The following NNT variants were observed in gnomAD, a reference collection of about 807,000 sequenced individuals.
NNT encodes the protein nicotinamide nucleotide transhydrogenase, also known as NAD(P) transhydrogenase, mitochondrial.
In NNT, 50 loss-of-function variants were observed where a neutral mutation model predicts 104.8. That is an observed-to-expected ratio of 0.48 (90% CI 0.38 to 0.60). The LOEUF (loss-of-function observed/expected upper bound fraction) is 0.60, where lower values mean the gene tolerates loss of function less well. Among genes scored for constraint, NNT ranks in the 20% least tolerant of loss-of-function variants. NNT has a pLI of 0.00. For missense variants in NNT, 1,131 were observed against 1,330.7 expected (o/e 0.85, Z 2.33); for synonymous variants, 461 against 490.4 (o/e 0.94, Z 0.79).
chr5:43,645,332 C>A, intron 9 of NNT, 25 bp from the exon 10 acceptor site: 1 of 1,396,324 alleles, frequency 7.2e-7, no homozygotes. Context: ...CTTTTTAATA[C>A]GTACTATTTT....
rs1320459282 is a variant in NNT, at chr5:43,619,089, C to A, written c.657C>A (p.Ile219=). Residue 219 remains isoleucine (I), a synonymous_variant, in exon 5 of 22, where the codon ATC becomes ATA. Coordinates refer to ENST00000344920, the MANE Select transcript of NNT (RefSeq NM_182977.3). ...TTGGACGTTTTTTTACTGGTCAGAT[C>A]ACAGCTGCTGGAAAAGTTCCTCCAG... ...NHFGRFFTGQ[I]TAAGKVPPAK... 3.2e-6 allele frequency: 5 copies of A among 1,553,576 alleles called. No individual in the cohort carries two copies. The highest frequency in any genetic ancestry group is 2.6e-6 in the Non-Finnish European group (3 of 1,147,884).
intron 15 of NNT, among the ~76,000 whole-genome samples, chr5:43,656,411 T>G (rs1442669654): frequency 6.6e-6 from 1 of 152,240 alleles, no homozygotes; most frequent in Non-Finnish European, 1.5e-5. Context: ...TCCTTCCCCT[T>G]TATTGATACT....
Position 43,644,310 on chromosome 5 carries a change from A to G in NNT, c.1083A>G (p.Glu361=). The G allele has an allele frequency of 6.2e-7, 1 of 1,613,594 alleles. No individual in the cohort carries two copies. Among genetic ancestry groups the G allele is most frequent in the Non-Finnish European group, 8.5e-7 (1 of 1,179,938 alleles). Residue 361 remains glutamate (E), a synonymous_variant, in exon 8 of 22, where the codon GAA becomes GAG. Coordinates refer to ENST00000344920, the MANE Select transcript of NNT (RefSeq NM_182977.3). ...ACTTTGAAACCACTAAGCCAGGAGAACTCTACATTCATAAGGTATAGCAAG... is the reference window on the plus strand; with the variant it reads ...ACTTTGAAACCACTAAGCCAGGAGAGCTCTACATTCATAAGGTATAGCAAG... ...GGNFETTKPG[E]LYIHKGITHI... is the part of the protein sequence containing the mutation.
intron 17 of NNT, among the ~76,000 whole-genome samples, chr5:43,670,536 T>G (rs1216201516): frequency 6.6e-6 from 1 of 152,248 alleles, no homozygotes; most frequent in Non-Finnish European, 1.5e-5. Flanking sequence ...CATTTCATTA[T>G]GTACCCAGTA....
Position 43,656,703 on chromosome 5 carries a change from G to A in NNT, c.2344G>A (p.Ala782Thr), listed in dbSNP as rs770434774. The part of the protein sequence containing the change: ...LLLPGRHLLN[A>T]GLLAASVGGI... ...ACTGCCTGGAAGGCACTTACTCAATGCAGGCTTACTGGCTGCTAGTGTGGG... is the reference window on the plus strand; with the variant it reads ...ACTGCCTGGAAGGCACTTACTCAATACAGGCTTACTGGCTGCTAGTGTGGG... The change falls in exon 16 of 22, where the codon GCA (alanine) becomes ACA (threonine). Residue 782 changes from alanine (A) to threonine (T), a missense_variant. Transcript: ENST00000344920. 8.7e-6 allele frequency: 14 copies of A among 1,614,152 alleles called. No individual in the cohort carries two copies. In the South Asian group the frequency reaches 1.5e-4, roughly 18 times the overall value.
At chr5:43,691,068 A>AGTGT (rs1230738676) in intron 19 of NNT, among the ~76,000 whole-genome samples, 85 of 134,004 alleles carry the variant, frequency 6.3e-4, no homozygotes, top group Middle Eastern at 7.8e-3. Context: ...TTTTTTTGAG[A>AGTGT]GAGTGTGTGT....
At chr5:43,684,795 C>T (rs1196908130) in intron 19 of NNT, among the ~76,000 whole-genome samples, 1 of 152,092 alleles carries the variant, frequency 6.6e-6, no homozygotes, top group African/African-American at 2.4e-5. Flanking sequence ...AAGTTCTGAT[C>T]AGCATGTGAT....
At position 43,651,747 on chromosome 5, in the gene NNT, C is replaced by G. The variant is rs1291032932; in HGVS notation, c.1726C>G (p.Leu576Val). 1.2e-6 allele frequency: 2 copies of G among 1,613,976 alleles called. No homozygotes were observed. Among genetic ancestry groups the G allele is most frequent in the East Asian group, 2.2e-5 (1 of 44,884 alleles). ...TCCTTTGGTTTGCTAAGGTGGCTTT[C>G]TGGTGACTCAGAGAATGCTGGACAT... ...ISSVNIAGGF[L>V]VTQRMLDMFK... is the part of the protein sequence containing the mutation. The change falls in exon 13 of 22, where the codon CTG becomes GTG. Residue 576 changes from leucine to valine, a missense_variant. Transcript: ENST00000344920.
At chr5:43,627,898 A>C (rs1275670847) in intron 6 of NNT, among the ~76,000 whole-genome samples, 1 of 152,164 alleles carries the variant, frequency 6.6e-6, no homozygotes, top group Non-Finnish European at 1.5e-5. Flanking sequence ...ATCATCATCC[A>C]CATCGGGGTC....
intron 2 of NNT, among the ~76,000 whole-genome samples, chr5:43,611,989 T>G (rs1368431367): frequency 2.6e-5 from 4 of 152,174 alleles, no homozygotes; most frequent in Non-Finnish European, 5.9e-5. Flanking sequence ...ATGTGGATTC[T>G]TGGCAAGTGT....
chr5:43,651,500 C>T (rs1271444261), intron 12 of NNT, among the ~76,000 whole-genome samples: 1 of 152,062 alleles, frequency 6.6e-6, no homozygotes, highest in African/African-American at 2.4e-5. Flanking sequence ...ATAGCTTGAA[C>T]CTGGGAGGCG....
chr5:43,687,838 C>T (rs35606071), intron 19 of NNT, among the ~76,000 whole-genome samples: 7,419 of 152,166 alleles, frequency 0.049, 252 homozygotes, highest in East Asian at 0.2. Context: ...CAAATATATT[C>T]AGAGGTCCTT....
chr5:43,697,947 G>T (rs763290233), intron 19 of NNT, among the ~76,000 whole-genome samples: 9 of 152,070 alleles, frequency 5.9e-5, no homozygotes, highest in Non-Finnish European at 1.3e-4. Flanking sequence ...TTTGAGCGGG[G>T]ACACAGCCAA....
chr5:43,614,410 A>G (rs977985401), intron 3 of NNT, among the ~76,000 whole-genome samples: 4 of 152,270 alleles, frequency 2.6e-5, no homozygotes, highest in Non-Finnish European at 2.9e-5. Flanking sequence ...TGACTTACTC[A>G]GATGACAGCG....
intron 17 of NNT, among the ~76,000 whole-genome samples, chr5:43,664,061 A>AC (rs35328857): frequency 0.034 from 5,131 of 152,252 alleles, 134 homozygotes; most frequent in East Asian, 0.12. Context: ...AATGGAATGC[A>AC]CCCCAAGTGG....
At chr5:43,634,969 C>T (rs1750859424) in intron 7 of NNT, among the ~76,000 whole-genome samples, 1 of 152,192 alleles carries the variant, frequency 6.6e-6, no homozygotes. Context: ...ATTATGCTTC[C>T]TTCCTGGCTT....
chr5:43,663,310 T>C (rs1017443206), intron 17 of NNT, among the ~76,000 whole-genome samples: 4 of 152,224 alleles, frequency 2.6e-5, no homozygotes, highest in African/African-American at 9.6e-5. Flanking sequence ...GAACTTTTTG[T>C]TGGCTTTTGA....
chr5:43,637,057 A>G (rs1001244109), intron 7 of NNT, among the ~76,000 whole-genome samples: 13 of 152,170 alleles, frequency 8.5e-5, no homozygotes, highest in Admixed American at 3.3e-4. Flanking sequence ...GGTTCCTTAT[A>G]CAAATAATTA....
Position 43,700,132 on chromosome 5 carries a change from C to G in NNT, c.2890C>G (p.Pro964Ala). 5 of 1,612,016 alleles carry G rather than the reference C, an allele frequency of 3.1e-6. No homozygotes were observed. Among genetic ancestry groups the G allele is most frequent in the African/African-American group, 2.7e-5 (2 of 74,904 alleles). Residue 964 changes from proline to alanine, a missense_variant, in exon 20 of 22, where the codon CCA becomes GCA. Transcript: ENST00000344920. The part of the protein sequence containing the change: ...QGKKVRFGIH[P>A]VAGRMPGQLN... The stretch of plus-strand genomic sequence containing the variant: ...TTTCATGTCTAGGTTTGGAATTCAC[C>G]CAGTTGCAGGCCGAATGCCTGGTCA...
Sources: allele counts gnomAD v4.1 joint callset (sites outside exome capture counted in the v4.1 genomes callset), GRCh38; gene constraint gnomAD v4.1.1; transcripts MANE v1.5; gene names NCBI Gene and HGNC (gene_info 2026-07-23, HGNC 2026-07-21).